ATP9B: variants seen among roughly 807,000 people sequenced by gnomAD.
ATP9B encodes probable phospholipid-transporting ATPase IIB.
A neutral mutation model predicts 146.1 loss-of-function variants in ATP9B; 110 were observed. The observed-to-expected ratio is 0.75, with a 90% CI of 0.65 to 0.88. The LOEUF (loss-of-function observed/expected upper bound fraction) is 0.88, where lower values mean the gene tolerates loss of function less well. Ranked by LOEUF, ATP9B falls within the 40% of genes least tolerant of loss-of-function variation. The pLI is 0.00. For missense variants in ATP9B, 1,499 were observed against 1,496.4 expected (o/e 1.00, Z -0.03); for synonymous variants, 604 against 569.7 (o/e 1.06, Z -0.86).
At chr18:79,281,752 A>G (rs994878766) in intron 13 of ATP9B, among the ~76,000 whole-genome samples, 3 of 152,160 alleles carry the variant, frequency 2.0e-5, no homozygotes, top group Non-Finnish European at 4.4e-5. Context: ...GGCCAGGTGC[A>G]GTGGCTCATG....
intron 9 of ATP9B, among the ~76,000 whole-genome samples, chr18:79,199,789 G>GAC (rs374554863): frequency 5.3e-4 from 79 of 149,138 alleles, no homozygotes; most frequent in African/African-American, 1.3e-3. Context: ...GAAAAATGCA[G>GAC]ACACACACAC....
At chr18:79,322,325 C>G (rs535884530) in intron 15 of ATP9B, among the ~76,000 whole-genome samples, 2 of 152,346 alleles carry the variant, frequency 1.3e-5, no homozygotes, top group Admixed American at 6.5e-5. Context: ...CGTCCAACCT[C>G]TAACCCAACG....
intron 11 of ATP9B, among the ~76,000 whole-genome samples, chr18:79,244,485 C>T (rs1419631143): frequency 6.6e-6 from 1 of 152,104 alleles, no homozygotes; most frequent in African/African-American, 2.4e-5. Flanking sequence ...GAAGGAAAGA[C>T]AGACCTTGTG....
chr18:79,374,845 G>T (rs1451226188), intron 28 of ATP9B, among the ~76,000 whole-genome samples: 1 of 152,212 alleles, frequency 6.6e-6, no homozygotes, highest in Non-Finnish European at 1.5e-5. Flanking sequence ...GTAAGATCAT[G>T]AATTAACACA....
chr18:79,161,326 G>A (rs531641114), intron 7 of ATP9B, among the ~76,000 whole-genome samples: 14 of 152,200 alleles, frequency 9.2e-5, no homozygotes, highest in Middle Eastern at 6.8e-3. Flanking sequence ...TGAAGGTCGT[G>A]GATCCCTTTG....
At chr18:79,092,762 G>A (rs1033179890) in intron 1 of ATP9B, among the ~76,000 whole-genome samples, 2 of 151,362 alleles carry the variant, frequency 1.3e-5, no homozygotes, top group African/African-American at 2.4e-5. Flanking sequence ...CACTGGGAAG[G>A]CAGTAACACA....
At chr18:79,140,128 G>T (rs1044957723) in intron 5 of ATP9B, among the ~76,000 whole-genome samples, 1 of 152,084 alleles carries the variant, frequency 6.6e-6, no homozygotes, top group African/African-American at 2.4e-5. Flanking sequence ...GGAAGGGAGG[G>T]ATTTCAATCC....
chr18:79,097,884 A>C (rs1255006028), intron 2 of ATP9B, among the ~76,000 whole-genome samples: 3,721 of 150,762 alleles, frequency 0.025, 157 homozygotes, highest in African/African-American at 0.087. Flanking sequence ...TCATTTGGGT[A>C]TATACCCAGT....
At chr18:79,175,799 C>T (rs961824813) in intron 7 of ATP9B, among the ~76,000 whole-genome samples, 16 of 152,056 alleles carry the variant, frequency 1.1e-4, no homozygotes. Flanking sequence ...TGTGCACACA[C>T]AGCACACACA....
intron 12 of ATP9B, among the ~76,000 whole-genome samples, chr18:79,268,314 A>C (rs2096224004): frequency 6.6e-6 from 1 of 152,120 alleles, no homozygotes; most frequent in South Asian, 2.1e-4. Context: ...TAAATTTGAT[A>C]ATTTTTGACT....
intron 26 of ATP9B, 198 bp downstream of exon 26, chr18:79,359,660 A>G (rs756955804): frequency 1.8e-6 from 1 of 562,508 alleles, no homozygotes; most frequent in Non-Finnish European, 3.2e-6. Context: ...GGGGAAAAAC[A>G]TCTCAGGGAA....
chr18:79,167,059 G>T (rs2094978757), intron 7 of ATP9B, among the ~76,000 whole-genome samples: 1 of 152,152 alleles, frequency 6.6e-6, no homozygotes, highest in Admixed American at 6.5e-5. Flanking sequence ...GCCCTAGGAG[G>T]CTTGGAGACG....
chr18:79,255,691 G>A (rs1055768189), intron 12 of ATP9B, among the ~76,000 whole-genome samples: 1 of 152,188 alleles, frequency 6.6e-6, no homozygotes, highest in Non-Finnish European at 1.5e-5. Flanking sequence ...CTGCAGCCTT[G>A]CTCACTCAAA....
At chr18:79,175,391 A>G (rs568139735) in intron 7 of ATP9B, among the ~76,000 whole-genome samples, 4 of 152,310 alleles carry the variant, frequency 2.6e-5, no homozygotes, top group East Asian at 1.9e-4. Flanking sequence ...AGTGAACAGT[A>G]TAAGATATAT....
At chr18:79,180,546 T>C (rs1171564697) in intron 8 of ATP9B, among the ~76,000 whole-genome samples, 2 of 151,174 alleles carry the variant, frequency 1.3e-5, no homozygotes, top group African/African-American at 4.9e-5. Context: ...TGCATTACTG[T>C]TTTTTTTTGT....
chr18:79,266,466 C>A (rs931212738), intron 12 of ATP9B, among the ~76,000 whole-genome samples: 4 of 151,682 alleles, frequency 2.6e-5, no homozygotes, highest in Admixed American at 1.3e-4. Context: ...CTTGTTTCTG[C>A]AGCAAAGATC....
chr18:79,291,239 G>T (rs2096500027), intron 13 of ATP9B, among the ~76,000 whole-genome samples: 1 of 151,764 alleles, frequency 6.6e-6, no homozygotes, highest in Non-Finnish European at 1.5e-5. Flanking sequence ...ACATACCATA[G>T]CCGAGTCTGC....
intron 5 of ATP9B, among the ~76,000 whole-genome samples, chr18:79,134,567 G>T (rs559712454): frequency 1.3e-5 from 2 of 152,330 alleles, no homozygotes; most frequent in South Asian, 4.1e-4. Flanking sequence ...CTGGTCTAAG[G>T]CCAGGGGGCT....
At chr18:79,072,304 C>T (rs1053971374) in intron 1 of ATP9B, among the ~76,000 whole-genome samples, 2 of 152,014 alleles carry the variant, frequency 1.3e-5, no homozygotes, top group African/African-American at 2.4e-5. Flanking sequence ...TGCGGCCTTC[C>T]GCAGTGTTTG....
Sources: gnomAD v4.1 joint callset for allele counts (sites outside exome capture counted in the v4.1 genomes callset) on GRCh38, gnomAD v4.1.1 for gene constraint, MANE v1.5 for transcripts, NCBI Gene and HGNC (gene_info 2026-07-23, HGNC 2026-07-21) for gene names.